Variants in IGSF21 observed in about 807,000 individuals in gnomAD.
IGSF21 encodes immunoglobulin superfamily member 21.
A neutral mutation model predicts 46.8 loss-of-function variants in IGSF21; 28 were observed. The ratio of observed to expected loss-of-function variants is 0.60; its 90% CI spans 0.44 to 0.82. IGSF21 has a LOEUF of 0.82. Among genes scored for constraint, IGSF21 ranks in the 40% least tolerant of loss-of-function variants. The pLI, the probability that IGSF21 is intolerant of heterozygous loss-of-function variation, is 0.00. For synonymous variants in IGSF21, 284 were observed against 273.6 expected, an observed-to-expected ratio of 1.04 and a Z score of -0.38; for missense variants, 624 against 665.5, an observed-to-expected ratio of 0.94 and a Z score of 0.69.
In IGSF21 at chr1:18,287,682, GC is replaced by G. The variant is rs145580964; in HGVS notation, c.184-4181del. Among the ~76,000 whole-genome samples, 502 of 152,270 alleles carry G rather than the reference GC, an allele frequency of 3.3e-3. 3 individuals are homozygous for G. The highest frequency in any genetic ancestry group is 0.011 in the African/African-American group (469 of 41,570). On this transcript the variant is annotated intron_variant, in intron 2 of 9. Coordinates refer to ENST00000251296, the MANE Select transcript of IGSF21 (RefSeq NM_032880.5). ...ACTGGCACCATGGGAGCCTCTCAGA[GC>G]CCATGAGACCTGCCTGCCTCCAGGT...
intron 1 of IGSF21, among the ~76,000 whole-genome samples, chr1:18,201,736 T>C (rs933553004): frequency 6.6e-6 from 1 of 152,194 alleles, no homozygotes; most frequent in Non-Finnish European, 1.5e-5. Context: ...TGTCCGTTAC[T>C]GGCATCCCTC....
intron 2 of IGSF21, among the ~76,000 whole-genome samples, chr1:18,274,869 TA>T (rs2085083932): frequency 1.3e-5 from 2 of 152,022 alleles, no homozygotes; most frequent in Non-Finnish European, 2.9e-5. Flanking sequence ...CTACTAAAAA[TA>T]TGAAAATTAG....
chr1:18,291,606 G>C (rs1387229691), intron 2 of IGSF21, among the ~76,000 whole-genome samples: 1 of 152,186 alleles, frequency 6.6e-6, no homozygotes, highest in Non-Finnish European at 1.5e-5. Context: ...AGCGCACACT[G>C]CTCTTTCCTG....
chr1:18,253,355 G>C (rs1407282022), intron 2 of IGSF21, among the ~76,000 whole-genome samples: 2 of 152,174 alleles, frequency 1.3e-5, no homozygotes, highest in African/African-American at 4.8e-5. Context: ...TGTTTGCCTT[G>C]AATCAAATTC....
At chr1:18,208,308 C>T (rs1300143020) in intron 1 of IGSF21, among the ~76,000 whole-genome samples, 1 of 147,138 alleles carries the variant, frequency 6.8e-6, no homozygotes, top group Non-Finnish European at 1.5e-5. Context: ...TTTTCCTTCC[C>T]CTGGGAAGGA....
At chr1:18,207,508 A>G (rs993989317) in intron 1 of IGSF21, among the ~76,000 whole-genome samples, 1 of 152,174 alleles carries the variant, frequency 6.6e-6, no homozygotes, top group Non-Finnish European at 1.5e-5. Flanking sequence ...TCTAATATGG[A>G]CCATGAAATC....
intron 2 of IGSF21, among the ~76,000 whole-genome samples, chr1:18,263,327 A>T (rs1184656852): frequency 6.6e-6 from 1 of 152,066 alleles, no homozygotes; most frequent in African/African-American, 2.4e-5. Context: ...GTGAAACAAC[A>T]ATGAGGTGAG....
chr1:18,361,877 C>G (rs2086104403), intron 4 of IGSF21: 1 of 516,786 alleles, frequency 1.9e-6, no homozygotes, highest in Non-Finnish European at 3.5e-6. Context: ...CTCTTGATTC[C>G]TGTGTGTCTT....
chr1:18,277,369 C>T (rs1243655934), intron 2 of IGSF21, among the ~76,000 whole-genome samples: 1 of 152,188 alleles, frequency 6.6e-6, no homozygotes. Flanking sequence ...CCTGTACACT[C>T]TGATGCTCTG....
At chr1:18,148,129 C>CTTTTTTTT in intron 1 of IGSF21, among the ~76,000 whole-genome samples, 1 of 108,322 alleles carries the variant, frequency 9.2e-6, no homozygotes, top group Non-Finnish European at 1.7e-5. Flanking sequence ...CAAGTATGTC[C>CTTTTTTTT]TTTTTTTTTT....
At chr1:18,341,196 T>A (rs2085837275) in intron 4 of IGSF21, among the ~76,000 whole-genome samples, 1 of 149,954 alleles carries the variant, frequency 6.7e-6, no homozygotes, top group Admixed American at 6.7e-5. Context: ...AATGCCTGAG[T>A]TCAAGCAATG....
At chr1:18,294,080 A>C (rs2085291006) in intron 3 of IGSF21, among the ~76,000 whole-genome samples, 1 of 152,156 alleles carries the variant, frequency 6.6e-6, no homozygotes, top group African/African-American at 2.4e-5. Context: ...GGCTTTGTAC[A>C]ATTGTGGAAT....
intron 1 of IGSF21, among the ~76,000 whole-genome samples, chr1:18,200,443 T>C (rs2087060594): frequency 6.6e-6 from 1 of 152,122 alleles, no homozygotes; most frequent in African/African-American, 2.4e-5. Flanking sequence ...CTCTGATTCC[T>C]GCAGGGAATA....
intron 1 of IGSF21, among the ~76,000 whole-genome samples, chr1:18,191,371 G>A (rs879404312): frequency 1.3e-5 from 2 of 152,174 alleles, no homozygotes; most frequent in Non-Finnish European, 2.9e-5. Context: ...TGAGATCAAA[G>A]GATAAGCCTG....
In IGSF21 at chr1:18,148,288, G is replaced by A. The variant is rs570634038; in HGVS notation, c.70+40090G>A. Among the ~76,000 whole-genome samples, 24 of 151,902 alleles carry A rather than the reference G, an allele frequency of 1.6e-4. No individual in the cohort carries two copies. In the East Asian group the frequency reaches 3.7e-3, roughly 23 times the overall value. On this transcript the variant is annotated intron_variant, in intron 1 of 9. Coordinates refer to ENST00000251296, the MANE Select transcript of IGSF21 (RefSeq NM_032880.5). ...TGGGACTACAGGCGCCCACCACCATGCCCAGCTAATTTTTTTTGTATTTTT... is the reference window on the plus strand; with the variant it reads ...TGGGACTACAGGCGCCCACCACCATACCCAGCTAATTTTTTTTGTATTTTT...
At chr1:18,278,241 TTTA>T (rs1314059165) in intron 2 of IGSF21, among the ~76,000 whole-genome samples, 7 of 136,690 alleles carry the variant, frequency 5.1e-5, no homozygotes, top group South Asian at 2.2e-4. Flanking sequence ...TATTTATTTA[TTTA>T]TTTATTTTAT....
At position 18,287,189 on chromosome 1, in the gene IGSF21, A is replaced by ATCAAT. The variant is rs11448658; in HGVS notation, c.184-4677_184-4676insTCAAT. ...GAGCGAGACTCCGTCTCAAAAAAAA[A>ATCAAT]AAATAAAATAAATAAATAAATAAAA... On this transcript the variant is annotated intron_variant, in intron 2 of 9. Coordinates refer to ENST00000251296, the MANE Select transcript of IGSF21 (RefSeq NM_032880.5). 4.4e-5 allele frequency among the ~76,000 whole-genome samples: 6 copies of ATCAAT among 136,764 alleles called. 1 individual carries two copies. The highest frequency in any genetic ancestry group is 4.7e-4 in the South Asian group (2 of 4,286). 89.7% of individuals were successfully genotyped at this position (136,764 alleles called of 152,430 possible). A position where few individuals can be genotyped will look rare whatever the true frequency, so the allele number is the denominator to read the frequency against.
At chr1:18,174,348 T>C (rs2086773903) in intron 1 of IGSF21, among the ~76,000 whole-genome samples, 1 of 152,206 alleles carries the variant, frequency 6.6e-6, no homozygotes, top group Admixed American at 6.5e-5. Context: ...GATGGGCAGT[T>C]CTTCTTTTAT....
At chr1:18,375,461 C>T (rs143084169) in intron 6 of IGSF21, among the ~76,000 whole-genome samples, 68 of 152,284 alleles carry the variant, frequency 4.5e-4, no homozygotes, top group Admixed American at 1.2e-3. Flanking sequence ...CCAATGATCC[C>T]GAGTGGCTCC....
Sources: allele counts gnomAD v4.1 joint callset (sites outside exome capture counted in the v4.1 genomes callset), GRCh38; gene constraint gnomAD v4.1.1; transcripts MANE v1.5; gene names NCBI Gene and HGNC (gene_info 2026-07-23, HGNC 2026-07-21).